The following ZFHX3 variants were observed in gnomAD, a reference collection of about 807,000 sequenced individuals.
The protein encoded by ZFHX3 is zinc finger homeobox protein 3.
Under a neutral mutation model 279.1 loss-of-function variants are expected in ZFHX3, and 42 were observed. The observed-to-expected ratio is 0.15, with a 90% confidence interval of 0.12 to 0.19. The LOEUF is 0.19. Among genes scored for constraint, ZFHX3 ranks in the 10% least tolerant of loss-of-function variants. The probability of loss-of-function intolerance (pLI) is 1.00; values close to 1 mark genes in which losing one functional copy is unlikely to be tolerated. For missense variants in ZFHX3, 4,981 were observed against 4,754.0 expected (o/e 1.05, Z -1.40); for synonymous variants, 2,293 against 1,957.8 (o/e 1.17, Z -4.52).
chr16:73,329,263 C>T (rs990363514), intron 3 of ZFHX3, among the ~76,000 whole-genome samples: 13 of 152,186 alleles, frequency 8.5e-5, no homozygotes, highest in Non-Finnish European at 1.0e-4. Flanking sequence ...GGTGGTGCTC[C>T]ACATGGTGGG....
intron 1 of ZFHX3, among the ~76,000 whole-genome samples, chr16:73,750,866 A>T (rs2053756375): frequency 6.6e-6 from 1 of 152,222 alleles, no homozygotes; most frequent in East Asian, 1.9e-4. Flanking sequence ...GGAGTGAAAT[A>T]TGAGGAAAAG....
intron 5 of ZFHX3, among the ~76,000 whole-genome samples, chr16:73,218,124 C>T (rs879710520): frequency 5.3e-5 from 8 of 152,104 alleles, no homozygotes; most frequent in Non-Finnish European, 1.2e-4. Flanking sequence ...GCCCATCCTG[C>T]AGAATGGAGC....
chr16:73,313,653 A>C (rs373541975), intron 4 of ZFHX3, among the ~76,000 whole-genome samples: 25 of 152,308 alleles, frequency 1.6e-4, no homozygotes, highest in African/African-American at 6.0e-4. Context: ...AGAACTAGGA[A>C]TCCTCATCAT....
At chr16:73,339,881 T>G (rs927100093) in intron 3 of ZFHX3, among the ~76,000 whole-genome samples, 1 of 152,168 alleles carries the variant, frequency 6.6e-6, no homozygotes, top group Non-Finnish European at 1.5e-5. Context: ...CTGACGATGA[T>G]GACAAAAACG....
At chr16:73,193,233 G>C (rs1246463391) in intron 5 of ZFHX3, among the ~76,000 whole-genome samples, 1 of 152,218 alleles carries the variant, frequency 6.6e-6, no homozygotes, top group Non-Finnish European at 1.5e-5. Flanking sequence ...CCTATTCACA[G>C]CTCTGCTATA....
At chr16:72,865,237 C>T (rs2037986470) in intron 4 of ZFHX3, among the ~76,000 whole-genome samples, 1 of 152,206 alleles carries the variant, frequency 6.6e-6, no homozygotes, top group African/African-American at 2.4e-5. Flanking sequence ...GGGCACAAGA[C>T]TGAGGACTCA....
At chr16:73,237,196 A>G (rs1409917801) in intron 5 of ZFHX3, among the ~76,000 whole-genome samples, 1 of 152,204 alleles carries the variant, frequency 6.6e-6, no homozygotes, top group Non-Finnish European at 1.5e-5. Context: ...AGTATTTTTC[A>G]TAGGTTCTTA....
intron 3 of ZFHX3, among the ~76,000 whole-genome samples, chr16:73,448,692 G>GTGTGTA (rs1567487537): frequency 6.7e-6 from 1 of 149,650 alleles, no homozygotes; most frequent in Non-Finnish European, 1.5e-5. Context: ...ATACGTGTGT[G>GTGTGTA]TGTGTGTGTG....
At chr16:72,800,610 G>A (rs574311513) in intron 7 of ZFHX3, among the ~76,000 whole-genome samples, 3 of 152,332 alleles carry the variant, frequency 2.0e-5, no homozygotes, top group Non-Finnish European at 2.9e-5. Flanking sequence ...GGGAGTAAGA[G>A]TGAAGGAAAG....
chr16:73,830,270 C>G (rs532168136), intron 1 of ZFHX3, among the ~76,000 whole-genome samples: 2 of 143,690 alleles, frequency 1.4e-5, no homozygotes, highest in Non-Finnish European at 3.0e-5. Flanking sequence ...GGCTCGCGCA[C>G]GGTGCGCACA....
intron 3 of ZFHX3, among the ~76,000 whole-genome samples, chr16:72,912,095 C>T (rs1387051948): frequency 6.6e-6 from 1 of 152,166 alleles, no homozygotes; most frequent in East Asian, 1.9e-4. Context: ...TGATTTTCAG[C>T]AAACATGTGC....
intron 2 of ZFHX3, among the ~76,000 whole-genome samples, chr16:73,463,648 T>C (rs1416758115): frequency 6.6e-6 from 1 of 152,020 alleles, no homozygotes; most frequent in Admixed American, 6.6e-5. Flanking sequence ...CCCACCTTCC[T>C]ATCACCTTTT....
intron 1 of ZFHX3, among the ~76,000 whole-genome samples, chr16:73,851,678 G>T (rs1405690408): frequency 6.6e-6 from 1 of 152,160 alleles, no homozygotes; most frequent in Non-Finnish European, 1.5e-5. Context: ...TAAAATTTGA[G>T]AACCTACTGA....
chr16:73,788,543 C>T (rs59575530), intron 1 of ZFHX3, among the ~76,000 whole-genome samples: 42,252 of 151,932 alleles, frequency 0.28, 6,176 homozygotes, highest in South Asian at 0.39. Context: ...TATGTCTGCT[C>T]TGCCCATTAG....
chr16:73,315,863 A>G (rs2015434572), intron 4 of ZFHX3, among the ~76,000 whole-genome samples: 1 of 152,116 alleles, frequency 6.6e-6, no homozygotes, highest in African/African-American at 2.4e-5. Flanking sequence ...TTTTAACTCT[A>G]TTTTCAGCCC....
intron 3 of ZFHX3, among the ~76,000 whole-genome samples, chr16:73,333,755 A>G (rs960038588): frequency 6.8e-6 from 1 of 148,116 alleles, no homozygotes; most frequent in Non-Finnish European, 1.5e-5. Flanking sequence ...GAGATTTGGC[A>G]ACAAATCAGA....
intron 1 of ZFHX3, among the ~76,000 whole-genome samples, chr16:73,730,352 CAAAAAAAAAAAAAAAAA>C (rs66477968): frequency 1.2e-5 from 1 of 81,166 alleles, no homozygotes; most frequent in Non-Finnish European, 2.3e-5. Context: ...CCTCCCCTCG[CAAAAAAAAAAAAAAAAA>C]AAAAAAGAAA....
chr16:73,765,011 T>C (rs1416389777), intron 1 of ZFHX3, among the ~76,000 whole-genome samples: 2 of 152,202 alleles, frequency 1.3e-5, no homozygotes, highest in Non-Finnish European at 2.9e-5. Context: ...CATCCCCATT[T>C]TTCTCTAGGG....
At chr16:73,107,449 G>A (rs555479633) in intron 7 of ZFHX3, among the ~76,000 whole-genome samples, 62 of 152,334 alleles carry the variant, frequency 4.1e-4, no homozygotes, top group African/African-American at 1.4e-3. Context: ...AGAGGTGGGT[G>A]TTTAAATATA....
Sources: allele counts gnomAD v4.1 joint callset (sites outside exome capture counted in the v4.1 genomes callset), GRCh38; gene constraint gnomAD v4.1.1; transcripts MANE v1.5; gene names NCBI Gene and HGNC (gene_info 2026-07-23, HGNC 2026-07-21).